The following SORCS2 variants were observed in gnomAD, a reference collection of about 807,000 sequenced individuals.
SORCS2 encodes the protein VPS10 domain-containing receptor SorCS2.
In SORCS2, 100 loss-of-function variants were observed where a neutral mutation model predicts 141.6. The observed-to-expected ratio is 0.71, with a 90% CI of 0.60 to 0.83. SORCS2 has a LOEUF of 0.83. Ranked by LOEUF, SORCS2 falls within the 40% of genes least tolerant of loss-of-function variation. The pLI, the probability that SORCS2 is intolerant of heterozygous loss-of-function variation, is 0.00. For synonymous variants in SORCS2, 789 were observed against 676.9 expected (o/e 1.17, Z -2.57); for missense variants, 1,646 against 1,560.2 (o/e 1.05, Z -0.93).
intron 1 of SORCS2, among the ~76,000 whole-genome samples, chr4:7,210,421 A>G (rs960511990): frequency 1.3e-5 from 2 of 152,222 alleles, no homozygotes; most frequent in Non-Finnish European, 2.9e-5. Context: ...AACTAGGACT[A>G]TAGGCACGCG....
rs1181828929 is a variant in SORCS2, at chr4:7,663,063, AGAGTGGGTGAATGAGTGAGT to A, written c.953-1284_953-1265del. On this transcript the variant is annotated intron_variant, in intron 6 of 26. Coordinates refer to ENST00000507866, the MANE Select transcript of SORCS2 (RefSeq NM_020777.3). This position sits in a 1 kb window ranked among gnomAD's most constrained non-coding sequence, Gnocchi z 4.8. ...GTGAGTGAAGGAATGATTGAGTGAA[AGAGTGGGTGAATGAGTGAGT>A]GAGTGAGTGAATGAGTAAGTGAATG... Among the ~76,000 whole-genome samples, 6 of 151,414 alleles carry A rather than the reference AGAGTGGGTGAATGAGTGAGT, an allele frequency of 4.0e-5. No individual in the cohort carries two copies. Among genetic ancestry groups the A allele is most frequent in the Non-Finnish European group, 7.4e-5 (5 of 67,884 alleles).
chr4:7,266,880 C>T (rs765473228), intron 1 of SORCS2, among the ~76,000 whole-genome samples: 23 of 152,264 alleles, frequency 1.5e-4, no homozygotes, highest in Non-Finnish European at 2.8e-4. Context: ...GGCCCCCTGT[C>T]GCCACGCCAT....
At chr4:7,496,646 G>C (rs1731647897) in intron 2 of SORCS2, among the ~76,000 whole-genome samples, 1 of 152,030 alleles carries the variant, frequency 6.6e-6, no homozygotes, top group Non-Finnish European at 1.5e-5. Flanking sequence ...GAGTGGCCGG[G>C]AGAAAGGACA....
chr4:7,601,576 A>T (rs2158277), intron 3 of SORCS2, among the ~76,000 whole-genome samples: 4 of 143,566 alleles, frequency 2.8e-5, no homozygotes, highest in Non-Finnish European at 1.5e-5. Flanking sequence ...CTGAGATCAC[A>T]CCACTGCACT....
At chr4:7,594,884 T>A (rs1295624826) in intron 3 of SORCS2, among the ~76,000 whole-genome samples, 4 of 152,212 alleles carry the variant, frequency 2.6e-5, no homozygotes, top group African/African-American at 9.6e-5. Flanking sequence ...GGCTCTGAAC[T>A]TGAGGTGGTG....
chr4:7,583,201 T>C (rs765937648), intron 3 of SORCS2, among the ~76,000 whole-genome samples: 2 of 152,160 alleles, frequency 1.3e-5, no homozygotes, highest in Non-Finnish European at 2.9e-5. Context: ...TCAGGTGCCT[T>C]CTAGTGCCTG....
At chr4:7,277,323 C>T (rs1715566574) in intron 1 of SORCS2, among the ~76,000 whole-genome samples, 1 of 152,196 alleles carries the variant, frequency 6.6e-6, no homozygotes, top group African/African-American at 2.4e-5. Flanking sequence ...ATGGTCATCC[C>T]TATCCCCAGC....
At chr4:7,510,608 GT>G (rs1262769651) in intron 2 of SORCS2, among the ~76,000 whole-genome samples, 159 of 150,284 alleles carry the variant, frequency 1.1e-3, no homozygotes, top group East Asian at 2.6e-3. Flanking sequence ...TGCGCGGCAT[GT>G]CCAGGAAATG....
chr4:7,262,107 T>G (rs1714365628), intron 1 of SORCS2, among the ~76,000 whole-genome samples: 1 of 151,786 alleles, frequency 6.6e-6, no homozygotes, highest in Non-Finnish European at 1.5e-5. Context: ...ATAATGGAGG[T>G]GGCAAAAGGT....
chr4:7,520,734 C>G (rs751955566), intron 2 of SORCS2, among the ~76,000 whole-genome samples: 1 of 152,238 alleles, frequency 6.6e-6, no homozygotes, highest in Non-Finnish European at 1.5e-5. Flanking sequence ...CAGCCCTCTC[C>G]GCCCACAGGG....
intron 1 of SORCS2, among the ~76,000 whole-genome samples, chr4:7,219,463 C>A (rs1269887653): frequency 1.3e-5 from 2 of 152,110 alleles, no homozygotes; most frequent in African/African-American, 4.8e-5. Context: ...AAGGACATAC[C>A]TGAGACTAGG....
chr4:7,493,032 A>G (rs917031748), intron 2 of SORCS2, among the ~76,000 whole-genome samples: 1 of 152,262 alleles, frequency 6.6e-6, no homozygotes, highest in Non-Finnish European at 1.5e-5. Context: ...TCCTCCAGGC[A>G]GTGACTCAGG....
intron 9 of SORCS2, among the ~76,000 whole-genome samples, chr4:7,677,656 G>A (rs1194336913): frequency 6.6e-6 from 1 of 152,240 alleles, no homozygotes; most frequent in Admixed American, 6.5e-5. Context: ...GTGAGTGGGA[G>A]GCAGCAGGCT....
intron 2 of SORCS2, among the ~76,000 whole-genome samples, chr4:7,428,153 C>T (rs1160738916): frequency 4.6e-5 from 7 of 152,166 alleles, no homozygotes; most frequent in East Asian, 3.9e-4. Flanking sequence ...TTTTGCACAG[C>T]GTCCCTGGGG....
At chr4:7,677,754 C>A (rs1050960313) in intron 9 of SORCS2, among the ~76,000 whole-genome samples, 1 of 152,186 alleles carries the variant, frequency 6.6e-6, no homozygotes, top group Non-Finnish European at 1.5e-5. Context: ...AATAATAACC[C>A]ATTTGTCAGG....
intron 2 of SORCS2, among the ~76,000 whole-genome samples, chr4:7,516,072 T>A (rs1732961007): frequency 6.6e-6 from 1 of 152,146 alleles, no homozygotes; most frequent in Non-Finnish European, 1.5e-5. Flanking sequence ...GTGGTGCTCA[T>A]TCATTTATTC....
chr4:7,325,669 A>G (rs1027625771), intron 1 of SORCS2, among the ~76,000 whole-genome samples: 1 of 152,176 alleles, frequency 6.6e-6, no homozygotes, highest in African/African-American at 2.4e-5. Context: ...GGCGCTCTGG[A>G]AGGCCCCTTG....
intron 3 of SORCS2, among the ~76,000 whole-genome samples, chr4:7,587,815 A>G (rs185053482): frequency 1.3e-4 from 20 of 152,276 alleles, no homozygotes; most frequent in Middle Eastern, 6.8e-3. Flanking sequence ...TCACCTCCAC[A>G]GTCCTGGCCA....
At chr4:7,433,160 T>C in intron 2 of SORCS2, 3 of 750,364 alleles carry the variant, frequency 4.0e-6, no homozygotes, top group Non-Finnish European at 5.6e-6. Flanking sequence ...AGAGAGAGGC[T>C]TTCGGGATCA....
Sources: allele counts gnomAD v4.1 joint callset (sites outside exome capture counted in the v4.1 genomes callset), GRCh38; gene constraint gnomAD v4.1.1; non-coding constraint Gnocchi (gnomAD v3.1); transcripts MANE v1.5; gene names NCBI Gene and HGNC (gene_info 2026-07-23, HGNC 2026-07-21).